The following IQGAP3 variants were observed in gnomAD, a reference collection of about 807,000 sequenced individuals.
IQGAP3 encodes ras GTPase-activating-like protein IQGAP3.
IQGAP3 carries 165 observed loss-of-function variants against 208.2 expected under a neutral mutation model. That is an observed-to-expected ratio of 0.79 (90% CI 0.70 to 0.90). The LOEUF (loss-of-function observed/expected upper bound fraction) is 0.90, where lower values mean the gene tolerates loss of function less well. Among genes scored for constraint, IQGAP3 ranks in the 40% least tolerant of loss-of-function variants. The pLI, the probability that IQGAP3 is intolerant of heterozygous loss-of-function variation, is 0.00. For synonymous variants in IQGAP3, 703 were observed against 803.6 expected (o/e 0.87, Z 2.12); for missense variants, 1,811 against 2,043.1 (o/e 0.89, Z 2.19).
rs1244544731 is a variant in IQGAP3, at chr1:156,566,511, G to A, written c.161C>T (p.Ser54Phe). The change falls in exon 3 of 38, where the codon TCC becomes TTC. Residue 54 changes from serine to phenylalanine, a missense_variant. Transcript: ENST00000361170. ...AAGGCTCTCCTCCAGCTCCACCGGG[G>A]AAGGAAGCTCCTCCTTCAGGCAGGC... ...MEACLKEELP[S>F]PVELEESLRN... 1 of 1,614,132 alleles carries A rather than the reference G, an allele frequency of 6.2e-7. No individual in the cohort carries two copies. Among genetic ancestry groups the A allele is most frequent in the Middle Eastern group, 1.6e-4 (1 of 6,062 alleles).
intron 27 of IQGAP3, among the ~76,000 whole-genome samples, chr1:156,535,666 G>A (rs960145473): frequency 2.6e-5 from 4 of 152,192 alleles, no homozygotes; most frequent in Admixed American, 1.3e-4. Context: ...CAGCCTAGGT[G>A]GCTCCGAGGT....
intron 1 of IQGAP3, among the ~76,000 whole-genome samples, chr1:156,571,436 A>G (rs1348126122): frequency 6.6e-6 from 1 of 152,188 alleles, no homozygotes; most frequent in Non-Finnish European, 1.5e-5. Context: ...TATATGAATG[A>G]GCAGTTAAGT....
intron 1 of IQGAP3, 126 bp downstream of exon 1, chr1:156,572,367 A>C (rs1013670631): frequency 4.8e-5 from 49 of 1,022,336 alleles, no homozygotes; most frequent in Non-Finnish European, 6.1e-5. Context: ...CGTCCCACTG[A>C]GCAGTCCCAC....
At chr1:156,539,568 G>T in intron 24 of IQGAP3, 31 bp from the exon 25 acceptor site, 1 of 1,610,050 alleles carries the variant, frequency 6.2e-7, no homozygotes, top group South Asian at 1.1e-5. Context: ...AGGAATGGCT[G>T]ACCATGCACT....
Position 156,544,188 on chromosome 1 carries a change from C to T in IQGAP3, c.2424G>A (p.Arg808=). 2 of 1,614,158 alleles carry T rather than the reference C, an allele frequency of 1.2e-6. No individual in the cohort carries two copies. Among genetic ancestry groups the T allele is most frequent in the Non-Finnish European group, 1.7e-6 (2 of 1,180,022 alleles). Residue 808 remains arginine (R), a synonymous_variant, in exon 21 of 38, where the codon AGG becomes AGA. Transcript: ENST00000361170. ...AGTAGTGCAGACGCCTCAGGTATTG[C>T]CTCCGAGCTGCCCACATCCGGGCCC... is the stretch of plus-strand genomic sequence containing the variant. ...QAWARMWAAR[R]QYLRRLHYFQ...
Position 156,562,000 on chromosome 1 carries a change from G to A in IQGAP3, c.879C>T (p.Val293=). 6.2e-7 allele frequency: 1 copy of A among 1,601,102 alleles called. No homozygotes were observed. Among genetic ancestry groups the A allele is most frequent in the Non-Finnish European group, 8.5e-7 (1 of 1,174,914 alleles). Residue 293 remains valine (V), a splice_region_variant and synonymous_variant, in exon 10 of 38, where the codon GTC becomes GTT. Coordinates refer to ENST00000361170, the MANE Select transcript of IQGAP3 (RefSeq NM_178229.5). ...CATCAACAACTTCTAGAGCCCCATG[G>A]ACTGAAAAAAAATGACTCCATAATG... ...EIQGNINHVN[V]HGALEVVDDA... is the part of the protein sequence containing the mutation.
rs1016489902 is a variant in IQGAP3, at chr1:156,526,381, C to T, written c.*105G>A. ...AGGGGTGAGAATCCCTGGGCCTTGC[C>T]CAGTCCTGAGCTCTAGGTGTCTGCA... is the stretch of plus-strand genomic sequence containing the variant. On this transcript the variant is annotated 3_prime_UTR_variant, in exon 38 of 38. Coordinates refer to ENST00000361170, the MANE Select transcript of IQGAP3 (RefSeq NM_178229.5). 1 of 779,508 alleles carries T rather than the reference C, an allele frequency of 1.3e-6. No homozygotes were observed. The highest frequency in any genetic ancestry group is 2.2e-6 in the Non-Finnish European group (1 of 448,972). 48.3% of individuals were successfully genotyped at this position (779,508 alleles called of 1,614,324 possible). A position where few individuals can be genotyped will look rare whatever the true frequency, so the allele number is the denominator to read the frequency against.
chr1:156,557,584 G>A (rs1234085288), intron 11 of IQGAP3, among the ~76,000 whole-genome samples: 2 of 82,394 alleles, frequency 2.4e-5, no homozygotes, highest in African/African-American at 7.6e-5. Context: ...CCCCCCGCCC[G>A]GCCAGCCGCC....
chr1:156,544,849 TA>T (rs1214219712), intron 19 of IQGAP3, among the ~76,000 whole-genome samples: 1 of 152,092 alleles, frequency 6.6e-6, no homozygotes, highest in Non-Finnish European at 1.5e-5. Context: ...AATATACTCA[TA>T]CACCCATATG....
chr1:156,537,412 C>A, intron 26 of IQGAP3, 91 bp from the exon 27 acceptor site: 1 of 1,279,142 alleles, frequency 7.8e-7, no homozygotes, highest in Non-Finnish European at 1.1e-6. Flanking sequence ...TGTCTAACAA[C>A]AAGATCTCAT....
chr1:156,537,683 C>G (rs1274087696), intron 26 of IQGAP3, among the ~76,000 whole-genome samples: 1 of 152,140 alleles, frequency 6.6e-6, no homozygotes, highest in Non-Finnish European at 1.5e-5. Flanking sequence ...GTTCCCTCAC[C>G]TAAAGCCTCC....
chr1:156,563,696 A>G, intron 6 of IQGAP3, 30 bp from the exon 7 acceptor site: 12 of 1,609,440 alleles, frequency 7.5e-6, no homozygotes, highest in South Asian at 1.1e-5. Context: ...GCCCTTCATC[A>G]GGCCCAGAAC....
chr1:156,548,411 C>G lies in IQGAP3; in HGVS notation c.2070G>C (p.Gly690=), dbSNP rs758082844. Residue 690 remains glycine (G), a synonymous_variant, in exon 18 of 38, where the codon GGG becomes GGC. Transcript: ENST00000361170. Reference sequence around the variant, plus strand: ...GGCAGCCAGGAGGTTGCTCCCAGATCCCCTGGAAGGTCTGCAGATGGAAGT... The same window carrying G: ...GGCAGCCAGGAGGTTGCTCCCAGATGCCCTGGAAGGTCTGCAGATGGAAGT... ...AYYFHLQTFQ[G]IWEQPPGCPL... The G allele has an allele frequency of 6.2e-7, 1 of 1,613,956 alleles. No homozygotes were observed. Among genetic ancestry groups the G allele is most frequent in the African/African-American group, 1.3e-5 (1 of 74,956 alleles).
At chr1:156,539,256 A>T (rs765720900) in intron 25 of IQGAP3, 118 bp downstream of exon 25, 6 of 1,006,926 alleles carry the variant, frequency 6.0e-6, no homozygotes, top group African/African-American at 1.6e-5. Context: ...TAGAGAAAAG[A>T]GGTCTTCTGA....
chr1:156,543,836 ACTC>A (rs1675101789), intron 22 of IQGAP3, 142 bp downstream of exon 22: 1 of 711,298 alleles, frequency 1.4e-6, no homozygotes, highest in Non-Finnish European at 2.5e-6. Context: ...TTTTGTTACA[ACTC>A]CTGTTCCATG....
Position 156,548,251 on chromosome 1 carries a change from G to A in IQGAP3, c.2134-8C>T, listed in dbSNP as rs759543360. Reference sequence around the variant, plus strand: ...GACCTTGGTGACAGCTGACTGTGGAGGCAGGAGAGAGACGCTGTGGTCTTT... The same window carrying A: ...GACCTTGGTGACAGCTGACTGTGGAAGCAGGAGAGAGACGCTGTGGTCTTT... On this transcript the variant is annotated splice_region_variant and splice_polypyrimidine_tract_variant and intron_variant, in intron 18 of 37. Transcript: ENST00000361170. 5.6e-6 allele frequency: 9 copies of A among 1,612,856 alleles called. No homozygotes were observed. Among genetic ancestry groups the A allele is most frequent in the Non-Finnish European group, 7.6e-6 (9 of 1,179,050 alleles).
chr1:156,542,099 C>T (rs534621814), intron 22 of IQGAP3, among the ~76,000 whole-genome samples: 36 of 152,304 alleles, frequency 2.4e-4, no homozygotes, highest in African/African-American at 7.5e-4. Flanking sequence ...CTCAAGGCAA[C>T]AGGGCATCAT....
intron 31 of IQGAP3, 149 bp downstream of exon 31, chr1:156,533,624 C>G: frequency 3.1e-6 from 2 of 641,046 alleles, no homozygotes; most frequent in Non-Finnish European, 5.6e-6. Context: ...GTCCCTGTGC[C>G]CATGTCAGGA....
chr1:156,551,215 G>A (rs996430040), intron 15 of IQGAP3, among the ~76,000 whole-genome samples: 2 of 152,164 alleles, frequency 1.3e-5, no homozygotes, highest in Admixed American at 1.3e-4. Context: ...GAGAGGTTAA[G>A]TAACACGTGC....
Sources: allele counts gnomAD v4.1 joint callset (sites outside exome capture counted in the v4.1 genomes callset), GRCh38; gene constraint gnomAD v4.1.1; transcripts MANE v1.5; gene names NCBI Gene and HGNC (gene_info 2026-07-23, HGNC 2026-07-21).